Variants in TAS1R1 observed in about 807,000 individuals in gnomAD.
TAS1R1 encodes the protein taste receptor type 1 member 1.
A neutral mutation model predicts 45.8 loss-of-function variants in TAS1R1; 31 were observed. The ratio of observed to expected loss-of-function variants is 0.68; its 90% CI spans 0.51 to 0.91. The LOEUF is 0.91. TAS1R1 is among the 40% of genes least tolerant of loss of function. The pLI is 0.00. For synonymous variants in TAS1R1, 437 were observed against 448.4 expected (o/e 0.97, Z 0.32); for missense variants, 1,051 against 1,063.9 (o/e 0.99, Z 0.17).
Position 6,558,036 on chromosome 1 carries a change from G to GTTTT in TAS1R1, c.191+2474_191+2477dup, listed in dbSNP as rs779773064. 4.0e-4 allele frequency among the ~76,000 whole-genome samples: 57 copies of GTTTT among 140,804 alleles called. 4 individuals carry two copies. The highest frequency in any genetic ancestry group is 1.0e-3 in the East Asian group (5 of 4,798). The allele number at this position is 140,804 out of a possible 152,430, so 92.4% of individuals were successfully genotyped here. On this transcript the variant is annotated intron_variant, in intron 1 of 5. Transcript: ENST00000333172. ...CAAGGTTAAGCAGGTGTAGTGGTTA[G>GTTTT]TTTTTGTTTTTGTTTTTGTTTTTTT... is the stretch of plus-strand genomic sequence containing the variant.
At chr1:6,564,241 C>T (rs1444049095) in intron 1 of TAS1R1, among the ~76,000 whole-genome samples, 1 of 152,050 alleles carries the variant, frequency 6.6e-6, no homozygotes, top group Non-Finnish European at 1.5e-5. Context: ...AGACCTGGGG[C>T]TGGTTGGGTT....
In TAS1R1 at chr1:6,578,987, C is replaced by A; in HGVS notation, c.1929C>A (p.Thr643=). Residue 643 remains threonine (T), a synonymous_variant, in exon 6 of 6, where the codon ACC becomes ACA. Transcript: ENST00000333172. ...AGGCCCTCTTTGCCCTTGGTTTCAC[C>A]ATCTTCCTGTCCTGCCTGACAGTTC... ...LRQALFALGF[T]IFLSCLTVRS... is the part of the protein sequence containing the mutation. The A allele has an allele frequency of 6.2e-7, 1 of 1,614,152 alleles. No individual in the cohort carries two copies. The highest frequency in any genetic ancestry group is 8.5e-7 in the Non-Finnish European group (1 of 1,179,988).
At chr1:6,561,568 T>A (rs1036386553) in intron 1 of TAS1R1, among the ~76,000 whole-genome samples, 4 of 151,974 alleles carry the variant, frequency 2.6e-5, no homozygotes, top group Non-Finnish European at 5.9e-5. Flanking sequence ...AAAAATTAGC[T>A]GGACATGGTG....
chr1:6,575,439 C>A, intron 3 of TAS1R1, 47 bp downstream of exon 3: 1 of 1,509,640 alleles, frequency 6.6e-7, no homozygotes, highest in Non-Finnish European at 8.8e-7. Flanking sequence ...AACAGCCAAT[C>A]CTGAGATGAG....
intron 1 of TAS1R1, among the ~76,000 whole-genome samples, chr1:6,565,750 G>A (rs1261312297): frequency 6.6e-6 from 1 of 152,204 alleles, no homozygotes; most frequent in Non-Finnish European, 1.5e-5. Flanking sequence ...TGTGGAAGCT[G>A]GGGATTATGT....
intron 2 of TAS1R1, among the ~76,000 whole-genome samples, chr1:6,571,601 C>T (rs1476965950): frequency 1.3e-5 from 2 of 152,308 alleles, no homozygotes; most frequent in East Asian, 1.9e-4. Context: ...GGGCAGATCT[C>T]TTGAGGCCAG....
intron 2 of TAS1R1, among the ~76,000 whole-genome samples, chr1:6,571,867 G>C (rs1640026292): frequency 6.6e-6 from 1 of 152,098 alleles, no homozygotes; most frequent in Non-Finnish European, 1.5e-5. Context: ...CCACCCCATA[G>C]ACTGCTCCAC....
Position 6,576,917 on chromosome 1 carries a change from G to A in TAS1R1, c.1474-33G>A, listed in dbSNP as rs772406262. 2.5e-6 allele frequency: 4 copies of A among 1,614,144 alleles called. No homozygotes were observed. The Admixed American group carries it at 5.0e-5, about 20-fold the overall frequency. Reference sequence around the variant, plus strand: ...ACATGTGAGCTGTCCTTTGACTTGGGCCCCTACGTGTGGCCCCTCTGGCTT... The same window carrying A: ...ACATGTGAGCTGTCCTTTGACTTGGACCCCTACGTGTGGCCCCTCTGGCTT... On this transcript the variant is annotated intron_variant, in intron 4 of 5. Coordinates refer to ENST00000333172, the MANE Select transcript of TAS1R1 (RefSeq NM_138697.4).
rs550783785 is a variant in TAS1R1, at chr1:6,562,942, A to C, written c.191+7378A>C. Among the ~76,000 whole-genome samples, 3 of 152,282 alleles carry C rather than the reference A, an allele frequency of 2.0e-5. No homozygotes were observed. In the South Asian group the frequency reaches 6.2e-4, roughly 32 times the overall value. Reference sequence around the variant, plus strand: ...GAGTGGCTGAAAAGGAGTTGCAGGGATAATTGGAGAGGCTCCTCGTGTTTT... The same window carrying C: ...GAGTGGCTGAAAAGGAGTTGCAGGGCTAATTGGAGAGGCTCCTCGTGTTTT... On this transcript the variant is annotated intron_variant, in intron 1 of 5. Coordinates refer to ENST00000333172, the MANE Select transcript of TAS1R1 (RefSeq NM_138697.4).
At chr1:6,556,765 C>T (rs12746536) in intron 1 of TAS1R1, among the ~76,000 whole-genome samples, 1 of 151,794 alleles carries the variant, frequency 6.6e-6, no homozygotes, top group Non-Finnish European at 1.5e-5. Context: ...AATCCCAGCA[C>T]TTTGGGAGGC....
intron 1 of TAS1R1, among the ~76,000 whole-genome samples, chr1:6,570,444 C>CAAAA (rs35825229): frequency 1.0e-5 from 1 of 98,582 alleles, no homozygotes. Flanking sequence ...TAACACATCT[C>CAAAA]AAAAAAAAAA....
rs192394163 is a variant in TAS1R1, at chr1:6,575,640, T to C, written c.1260+248T>C. Among the ~76,000 whole-genome samples, 5 of 151,956 alleles carry C rather than the reference T, an allele frequency of 3.3e-5. No homozygotes were observed. The East Asian group carries it at 9.7e-4, about 29-fold the overall frequency. On this transcript the variant is annotated intron_variant, in intron 3 of 5. Coordinates refer to ENST00000333172, the MANE Select transcript of TAS1R1 (RefSeq NM_138697.4). The stretch of plus-strand genomic sequence containing the variant: ...TTCAAGTGATTCTCTTGCCTCGGCC[T>C]CCTGAGTAGCTGGGATTACAGGCAC...
chr1:6,567,520 ACTG>A (rs372390651), intron 1 of TAS1R1, among the ~76,000 whole-genome samples: 122 of 150,886 alleles, frequency 8.1e-4, no homozygotes, highest in African/African-American at 2.6e-3. Context: ...AGATTGCGCC[ACTG>A]CACTCCAGCC....
chr1:6,575,318 G>A lies in TAS1R1; in HGVS notation c.1186G>A (p.Val396Met). The A allele has an allele frequency of 6.2e-7, 1 of 1,612,220 alleles. No homozygotes were observed. Among genetic ancestry groups the A allele is most frequent in the Non-Finnish European group, 8.5e-7 (1 of 1,179,602 alleles). The change falls in exon 3 of 6, where the codon GTG (valine) becomes ATG (methionine). Residue 396 changes from valine to methionine, a missense_variant. Physicochemically the swap from Val to Met is conservative, Grantham distance 21 (BLOSUM62 1). Transcript: ENST00000333172. ...CAACGCATACCGGGCTGTGTATGCG[G>A]TGGCCCATGGCCTCCACCAGCTCCT... ...AYNAYRAVYA[V>M]AHGLHQLLGC... is the part of the protein sequence containing the mutation.
In TAS1R1 at chr1:6,575,193, A is replaced by G; in HGVS notation, c.1061A>G (p.Lys354Arg). 6.2e-7 allele frequency: 1 copy of G among 1,610,524 alleles called. No homozygotes were observed. Among genetic ancestry groups the G allele is most frequent in the Non-Finnish European group, 8.5e-7 (1 of 1,178,288 alleles). ...AAGAAGGCCCCTAGGCCTTGCCACA[A>G]GGGCTCCTGGTGCAGCAGCAATCAG... ...ADKKAPRPCH[K>R]GSWCSSNQLC... is the part of the protein sequence containing the mutation. The change falls in exon 3 of 6, where the codon AAG becomes AGG. Residue 354 changes from lysine to arginine, a missense_variant. Coordinates refer to ENST00000333172, the MANE Select transcript of TAS1R1 (RefSeq NM_138697.4).
At chr1:6,572,549 C>A (rs925291601) in intron 2 of TAS1R1, among the ~76,000 whole-genome samples, 5 of 152,182 alleles carry the variant, frequency 3.3e-5, no homozygotes, top group African/African-American at 1.2e-4. Context: ...GCATGAGGCA[C>A]CGTGCCCTTT....
chr1:6,565,686 C>T (rs907608673), intron 1 of TAS1R1, among the ~76,000 whole-genome samples: 14 of 152,166 alleles, frequency 9.2e-5, no homozygotes, highest in Non-Finnish European at 2.1e-4. Flanking sequence ...CACCTCAGCT[C>T]ACTGCAACCT....
chr1:6,575,108 A>G lies in TAS1R1; in HGVS notation c.976A>G (p.Ile326Val). The G allele has an allele frequency of 6.3e-7, 1 of 1,586,138 alleles. No individual in the cohort carries two copies. Among genetic ancestry groups the G allele is most frequent in the South Asian group, 1.2e-5 (1 of 86,296 alleles). ...CATTGGGATGGTGCTGGGCGTGGCC[A>G]TCCAGAAGAGGGCTGTCCCTGGCCT... ...QRIGMVLGVA[I>V]QKRAVPGLKA... Residue 326 changes from isoleucine to valine, a missense_variant, in exon 3 of 6, where the codon ATC becomes GTC. Transcript: ENST00000333172.
intron 1 of TAS1R1, among the ~76,000 whole-genome samples, chr1:6,562,708 C>T (rs1036725171): frequency 1.3e-5 from 2 of 152,118 alleles, no homozygotes; most frequent in Non-Finnish European, 2.9e-5. Flanking sequence ...ACTCTGATTT[C>T]CAGGGGCAAT....
Sources: gnomAD v4.1 joint callset for allele counts (sites outside exome capture counted in the v4.1 genomes callset) on GRCh38, gnomAD v4.1.1 for gene constraint, MANE v1.5 for transcripts, NCBI Gene and HGNC (gene_info 2026-07-23, HGNC 2026-07-21) for gene names.